The following TTC1 variants were observed in gnomAD, a reference collection of about 807,000 sequenced individuals.
TTC1 encodes tetratricopeptide repeat domain 1, also known as tetratricopeptide repeat protein 1.
In TTC1, 31 loss-of-function variants were observed where a neutral mutation model predicts 37.6. The observed-to-expected ratio is 0.82, with a 90% CI of 0.62 to 1.11. The LOEUF is 1.11. TTC1 is among the 50% of genes most tolerant of loss of function. The pLI is 0.00. For synonymous variants in TTC1, 127 were observed against 122.4 expected (o/e 1.04, Z -0.25); for missense variants, 351 against 339.0 (o/e 1.04, Z -0.28).
At chr5:160,064,261 G>A (rs1258687610) in intron 7 of TTC1, among the ~76,000 whole-genome samples, 4 of 152,120 alleles carry the variant, frequency 2.6e-5, no homozygotes, top group Non-Finnish European at 5.9e-5. Context: ...GAGCCACCAC[G>A]CCCATCCTAT....
At chr5:160,023,329 T>C (rs371889307) in intron 2 of TTC1, among the ~76,000 whole-genome samples, 4 of 151,234 alleles carry the variant, frequency 2.6e-5, no homozygotes, top group South Asian at 2.1e-4. Context: ...TTTTGCTCTG[T>C]TGCCCAGGCT....
At chr5:160,015,998 G>T (rs1410204976) in intron 2 of TTC1, among the ~76,000 whole-genome samples, 1 of 152,202 alleles carries the variant, frequency 6.6e-6, no homozygotes. Flanking sequence ...TATTGGGAGG[G>T]TATAGTAGGA....
At position 160,021,094 on chromosome 5, in the gene TTC1, T is replaced by C. The variant is rs572683814; in HGVS notation, c.330+10236T>C. ...GTTTATTAAGAAAGGTCACTTTGTG[T>C]AGATCAGTGGTTTCCAGACTTTATT... On this transcript the variant is annotated intron_variant, in intron 2 of 7. Transcript: ENST00000231238. 8.8e-4 allele frequency among the ~76,000 whole-genome samples: 134 copies of C among 152,304 alleles called. 1 individual carries two copies. Among genetic ancestry groups the C allele is most frequent in the African/African-American group, 3.1e-3 (128 of 41,568 alleles).
At position 160,051,178 on chromosome 5, in the gene TTC1, T is replaced by C. The variant is rs1413092475; in HGVS notation, c.740T>C (p.Met247Thr). 1.9e-6 allele frequency: 3 copies of C among 1,609,750 alleles called. No homozygotes were observed. Among genetic ancestry groups the C allele is most frequent in the African/African-American group, 1.3e-5 (1 of 74,714 alleles). Residue 247 changes from methionine (M) to threonine (T), a missense_variant, in exon 7 of 8, where the codon ATG (methionine) becomes ACG (threonine). Met to Thr is a moderately conservative substitution (Grantham distance 81). Transcript: ENST00000231238. ...CGTAATGAAAGACTAAAAGAAGAGATGTTAGGTAAGCTTACTTCTTACTTT... is the reference window on the plus strand; with the variant it reads ...CGTAATGAAAGACTAAAAGAAGAGACGTTAGGTAAGCTTACTTCTTACTTT... Reference protein sequence around the residue: ...EERNERLKEEMLGKLKDLGNL... With the variant: ...EERNERLKEETLGKLKDLGNL...
At chr5:160,018,548 G>A in intron 2 of TTC1, among the ~76,000 whole-genome samples, 1 of 152,212 alleles carries the variant, frequency 6.6e-6, no homozygotes, top group East Asian at 1.9e-4. Flanking sequence ...GAATGGAAGA[G>A]CCGATGGCTG....
chr5:160,061,164 A>G (rs908488580), intron 7 of TTC1, among the ~76,000 whole-genome samples: 4 of 152,148 alleles, frequency 2.6e-5, no homozygotes, highest in African/African-American at 9.7e-5. Flanking sequence ...TCGCCTGCCT[A>G]TCTCTGTGCA....
intron 2 of TTC1, among the ~76,000 whole-genome samples, chr5:160,015,193 T>A (rs1270676964): frequency 9.2e-5 from 14 of 152,154 alleles, no homozygotes; most frequent in Non-Finnish European, 1.6e-4. Flanking sequence ...TGCTGGAGAT[T>A]AAGCTCCATT....
intron 2 of TTC1, among the ~76,000 whole-genome samples, chr5:160,021,561 A>G (rs1487747979): frequency 6.6e-6 from 1 of 152,148 alleles, no homozygotes; most frequent in Non-Finnish European, 1.5e-5. Context: ...TTTCCTCAGA[A>G]GGATAACACC....
intron 2 of TTC1, among the ~76,000 whole-genome samples, chr5:160,014,579 C>T (rs377222300): frequency 2.6e-5 from 4 of 151,840 alleles, no homozygotes; most frequent in South Asian, 2.1e-4. Context: ...TGGCACAAGC[C>T]TGTAGCCCCA....
At chr5:160,020,484 A>G (rs1017625550) in intron 2 of TTC1, among the ~76,000 whole-genome samples, 1 of 152,182 alleles carries the variant, frequency 6.6e-6, no homozygotes, top group African/African-American at 2.4e-5. Context: ...ACCCCCGGCC[A>G]TGTACTGATA....
intron 5 of TTC1, among the ~76,000 whole-genome samples, chr5:160,046,245 G>A (rs149688383): frequency 6.6e-6 from 1 of 152,278 alleles, no homozygotes; most frequent in East Asian, 1.9e-4. Context: ...AAGGTCATCA[G>A]CAGTTTCATC....
intron 7 of TTC1, among the ~76,000 whole-genome samples, chr5:160,064,155 GA>G (rs2113429238): frequency 6.6e-6 from 1 of 152,048 alleles, no homozygotes; most frequent in African/African-American, 2.4e-5. Context: ...TTTTTGTAGA[GA>G]TAGGGTTTCA....
chr5:160,047,770 C>T (rs1757290222), intron 5 of TTC1, among the ~76,000 whole-genome samples: 2 of 152,314 alleles, frequency 1.3e-5, no homozygotes, highest in South Asian at 2.1e-4. Context: ...TCCTGGCACG[C>T]TCCTCCTTAG....
Position 160,035,171 on chromosome 5 carries a change from A to G in TTC1, c.362A>G (p.Glu121Gly). The G allele has an allele frequency of 6.2e-7, 1 of 1,606,272 alleles. No individual in the cohort carries two copies. The highest frequency in any genetic ancestry group is 8.5e-7 in the Non-Finnish European group (1 of 1,177,252). ...AGAGAAGAGAGCACTAGACTAAAGG[A>G]GGAGGGAAATGAACAGTTTAAGAAA... is the stretch of plus-strand genomic sequence containing the variant. ...KRREESTRLK[E>G]EGNEQFKKGD... is the part of the protein sequence containing the mutation. Residue 121 changes from glutamate to glycine, a missense_variant, in exon 3 of 8, where the codon GAG becomes GGG. Coordinates refer to ENST00000231238, the MANE Select transcript of TTC1 (RefSeq NM_003314.3).
At chr5:160,028,728 C>A (rs1756854849) in intron 2 of TTC1, among the ~76,000 whole-genome samples, 1 of 152,124 alleles carries the variant, frequency 6.6e-6, no homozygotes, top group South Asian at 2.1e-4. Context: ...CCCACCTCGA[C>A]CTCCCAAAGT....
rs915610755 is a variant in TTC1 at position 160,043,294 on chromosome 5, T to A, written c.541+125T>A. The A allele has an allele frequency of 5.9e-6, 5 of 848,524 alleles. No individual in the cohort carries two copies. In the African/African-American group the frequency reaches 8.7e-5, roughly 15 times the overall value. The allele number at this position is 848,524 out of a possible 1,614,324, so 52.6% of individuals were successfully genotyped here. A position where few individuals can be genotyped will look rare whatever the true frequency, so the allele number is the denominator to read the frequency against. On this transcript the variant is annotated intron_variant, in intron 5 of 7. Transcript: ENST00000231238. ...TCTGGGGCCTTGCAAGAGGCAACTT[T>A]ATAATTATTTTCAAAGATACTATAT...
At chr5:160,037,835 A>G (rs895135051) in intron 4 of TTC1, among the ~76,000 whole-genome samples, 3 of 152,060 alleles carry the variant, frequency 2.0e-5, no homozygotes, top group African/African-American at 4.8e-5. Flanking sequence ...CTTACATCCA[A>G]AGTACAAAGG....
intron 3 of TTC1, among the ~76,000 whole-genome samples, chr5:160,036,187 T>C (rs957514719): frequency 5.3e-5 from 8 of 152,234 alleles, no homozygotes; most frequent in African/African-American, 1.9e-4. Context: ...TCCTTTTAGC[T>C]CTATCAAATG....
chr5:160,043,626 A>G (rs1757141839), intron 5 of TTC1, among the ~76,000 whole-genome samples: 1 of 152,198 alleles, frequency 6.6e-6, no homozygotes, highest in African/African-American at 2.4e-5. Flanking sequence ...TCTCTTGGCA[A>G]CAGAACTCAT....
Sources: gnomAD v4.1 joint callset for allele counts (sites outside exome capture counted in the v4.1 genomes callset) on GRCh38, gnomAD v4.1.1 for gene constraint, MANE v1.5 for transcripts, NCBI Gene and HGNC (gene_info 2026-07-23, HGNC 2026-07-21) for gene names.